Variants in PDE7A observed in about 807,000 individuals in gnomAD.
PDE7A encodes the protein phosphodiesterase 7A.
In PDE7A, 39 loss-of-function variants were observed where a neutral mutation model predicts 64.3. That is an observed-to-expected ratio of 0.61 (90% confidence interval 0.47 to 0.79). The LOEUF (loss-of-function observed/expected upper bound fraction) is 0.79, where lower values mean the gene tolerates loss of function less well. PDE7A is among the 30% of genes least tolerant of loss of function. The pLI, the probability that PDE7A is intolerant of heterozygous loss-of-function variation, is 0.00. For missense variants in PDE7A, 470 were observed against 582.8 expected (o/e 0.81, Z 1.99); for synonymous variants, 203 against 206.8 (o/e 0.98, Z 0.16).
At chr8:65,739,431 T>C in intron 6 of PDE7A, 71 bp downstream of exon 6, 1 of 1,450,478 alleles carries the variant, frequency 6.9e-7, no homozygotes. Context: ...CCGATATAAC[T>C]GAGATAAAAC....
chr8:65,774,898 T>C (rs545087675), intron 3 of PDE7A, among the ~76,000 whole-genome samples: 4 of 152,284 alleles, frequency 2.6e-5, no homozygotes, highest in African/African-American at 9.6e-5. Flanking sequence ...CTCCACTGTA[T>C]CCTTGAGAGA....
chr8:65,819,952 G>C (rs538237538), intron 1 of PDE7A, among the ~76,000 whole-genome samples: 2 of 152,302 alleles, frequency 1.3e-5, no homozygotes, highest in East Asian at 3.9e-4. Context: ...CCTCCCCACA[G>C]ACTGAAGTGT....
At chr8:65,809,874 T>C (rs1257226148) in intron 1 of PDE7A, among the ~76,000 whole-genome samples, 2 of 152,136 alleles carry the variant, frequency 1.3e-5, no homozygotes, top group Admixed American at 6.5e-5. Context: ...TGTGGAGAAA[T>C]AGGAACACTT....
chr8:65,824,344 T>C lies in PDE7A; in HGVS notation c.138+17027A>G, dbSNP rs537376904. On this transcript the variant is annotated intron_variant, in intron 1 of 12. Transcript: ENST00000401827. ...TTACTGATGAGCAAAGAAAGTGGTTTCCGGAGTTGAAATTTACTCCTGGTG... is the reference window on the plus strand; with the variant it reads ...TTACTGATGAGCAAAGAAAGTGGTTCCCGGAGTTGAAATTTACTCCTGGTG... Among the ~76,000 whole-genome samples the C allele has an allele frequency of 7.2e-5, 11 of 152,336 alleles. No homozygotes were observed. The East Asian group carries it at 2.1e-3, about 29-fold the overall frequency.
intron 12 of PDE7A, among the ~76,000 whole-genome samples, chr8:65,720,146 C>A (rs1486507935): frequency 6.6e-6 from 1 of 152,132 alleles, no homozygotes; most frequent in Non-Finnish European, 1.5e-5. Context: ...TCCCTTAATT[C>A]AGTCAGAAAA....
intron 1 of PDE7A, chr8:65,838,395 A>G (rs972935281): frequency 6.6e-6 from 1 of 152,242 alleles, no homozygotes; most frequent in Non-Finnish European, 1.5e-5. Flanking sequence ...TTTATCATTC[A>G]CTAATTCAAA....
At chr8:65,818,595 G>A (rs930413887) in intron 1 of PDE7A, among the ~76,000 whole-genome samples, 3 of 152,122 alleles carry the variant, frequency 2.0e-5, no homozygotes, top group Non-Finnish European at 4.4e-5. Flanking sequence ...TGTGGGCAGG[G>A]AAGTGCATTC....
intron 4 of PDE7A, among the ~76,000 whole-genome samples, chr8:65,746,196 C>A (rs61224841): frequency 6.6e-6 from 1 of 151,328 alleles, no homozygotes; most frequent in African/African-American, 2.4e-5. Flanking sequence ...GGCCTCCGAA[C>A]GTGCTAGGAT....
rs778699076 is a variant in PDE7A, at chr8:65,724,855, A to G, written c.987T>C (p.Tyr329=). The G allele has an allele frequency of 4.3e-6, 7 of 1,611,440 alleles. No homozygotes were observed. Among genetic ancestry groups the G allele is most frequent in the Middle Eastern group, 1.7e-4 (1 of 6,050 alleles). The change falls in exon 10 of 13, where the codon TAT becomes TAC. Residue 329 remains tyrosine, a synonymous_variant. Coordinates refer to ENST00000401827, the MANE Select transcript of PDE7A (RefSeq NM_001242318.3). ...LATDISRQNE[Y]LSLFRSHLDR... ...CCAAATGGGACCTAAACAAAGACAG[A>G]TACTCATTCTGGCGACTGATGTCTG...
intron 1 of PDE7A, among the ~76,000 whole-genome samples, chr8:65,816,777 CTCTT>C (rs1252455624): frequency 2.0e-5 from 3 of 152,190 alleles, no homozygotes; most frequent in Non-Finnish European, 4.4e-5. Flanking sequence ...TCAAGATACT[CTCTT>C]TATCTTTCAG....
chr8:65,793,452 T>C (rs549721064), intron 1 of PDE7A, among the ~76,000 whole-genome samples: 2 of 140,448 alleles, frequency 1.4e-5, no homozygotes, highest in Admixed American at 7.1e-5. Context: ...TGCATACCTA[T>C]AAAACAATGA....
intron 3 of PDE7A, among the ~76,000 whole-genome samples, chr8:65,756,386 A>T (rs543720522): frequency 6.6e-6 from 1 of 152,190 alleles, no homozygotes; most frequent in South Asian, 2.1e-4. Context: ...ATGTATTGGT[A>T]CACTTGATGG....
chr8:65,757,044 T>C (rs1019326461), intron 3 of PDE7A, among the ~76,000 whole-genome samples: 15 of 152,192 alleles, frequency 9.9e-5, no homozygotes, highest in Admixed American at 3.3e-4. Context: ...GGTGTTCAGC[T>C]ATGTGGAGGC....
chr8:65,813,246 A>C (rs1810299559), intron 1 of PDE7A, among the ~76,000 whole-genome samples: 2 of 152,236 alleles, frequency 1.3e-5, no homozygotes, highest in Non-Finnish European at 2.9e-5. Context: ...TGAATGTCAC[A>C]GATATATTAG....
Position 65,715,708 on chromosome 8 carries a change from G to A in PDE7A, c.*3582C>T, listed in dbSNP as rs1388435386. Among the ~76,000 whole-genome samples the A allele has an allele frequency of 2.7e-5, 4 of 146,104 alleles. No homozygotes were observed. The highest frequency in any genetic ancestry group is 6.7e-5 in the Admixed American group (1 of 14,920). ...AATGTTCTTAAAAAATTAGCTGGCC[G>A]GGCACGGTGGCTCACGCCTGTAATC... On this transcript the variant is annotated 3_prime_UTR_variant, in exon 13 of 13. Transcript: ENST00000401827.
intron 3 of PDE7A, among the ~76,000 whole-genome samples, chr8:65,761,085 A>C (rs954644520): frequency 1.3e-5 from 2 of 149,868 alleles, no homozygotes; most frequent in Non-Finnish European, 3.0e-5. Flanking sequence ...TTTTAGACGG[A>C]GTCTCGCCCT....
intron 7 of PDE7A, among the ~76,000 whole-genome samples, chr8:65,731,160 A>T (rs997084542): frequency 6.6e-6 from 1 of 152,176 alleles, no homozygotes; most frequent in Non-Finnish European, 1.5e-5. Flanking sequence ...TATGTTTTAC[A>T]AGTAAGATTC....
At chr8:65,787,936 T>C (rs1164390341) in intron 1 of PDE7A, among the ~76,000 whole-genome samples, 1 of 152,228 alleles carries the variant, frequency 6.6e-6, no homozygotes, top group Non-Finnish European at 1.5e-5. Flanking sequence ...TTCTTAACTT[T>C]TAAAACACAA....
intron 1 of PDE7A, among the ~76,000 whole-genome samples, chr8:65,785,523 T>C (rs1809529788): frequency 6.6e-6 from 1 of 152,070 alleles, no homozygotes; most frequent in Non-Finnish European, 1.5e-5. Context: ...AAACAGCCAC[T>C]GTAAAAAGGC....
Sources: gnomAD v4.1 joint callset for allele counts (sites outside exome capture counted in the v4.1 genomes callset) on GRCh38, gnomAD v4.1.1 for gene constraint, MANE v1.5 for transcripts, NCBI Gene and HGNC (gene_info 2026-07-23, HGNC 2026-07-21) for gene names.